Variants in TRIM34 observed in about 807,000 individuals in gnomAD.
TRIM34 encodes the protein E3 ubiquitin-protein ligase TRIM34.
TRIM34 carries 41 observed loss-of-function variants against 38.1 expected under a neutral mutation model. The observed-to-expected ratio is 1.08, with a 90% confidence interval of 0.84 to 1.40. TRIM34 has a LOEUF of 1.40. TRIM34 is among the 40% of genes most tolerant of loss of function. The probability of loss-of-function intolerance (pLI) is 0.00; values close to 1 mark genes in which losing one functional copy is unlikely to be tolerated. For missense variants in TRIM34, 556 were observed against 571.4 expected (o/e 0.97, Z 0.27); for synonymous variants, 200 against 202.5 (o/e 0.99, Z 0.10).
chr11:5,635,386 C>G (rs1289200759), intron 4 of TRIM34, among the ~76,000 whole-genome samples: 1 of 151,784 alleles, frequency 6.6e-6, no homozygotes, highest in Non-Finnish European at 1.5e-5. Context: ...TCCCGAGTAG[C>G]TGGGACTACA....
chr11:5,622,019 T>G, upstream of TRIM34, among the ~76,000 whole-genome samples: 1 of 152,104 alleles, frequency 6.6e-6, no homozygotes, highest in East Asian at 1.9e-4. Flanking sequence ...AAAATAAACT[T>G]TCTATATTAT....
intron 1 of TRIM34, among the ~76,000 whole-genome samples, chr11:5,625,917 G>A (rs1281954211): frequency 1.3e-5 from 2 of 152,178 alleles, no homozygotes; most frequent in East Asian, 1.9e-4. Context: ...TGTTCATTGT[G>A]GGCTCAGAAG....
rs59472811 is a variant in TRIM34 at position 5,643,126 on chromosome 11, T to TATATATA, written c.902-18_902-17insATATATA. ...TTATATTCATATACATATATATATA[T>TATATATA]TTTTTTTTTTCTTGCAGTGGATGTC... On this transcript the variant is annotated splice_polypyrimidine_tract_variant and intron_variant, in intron 7 of 7. Transcript: ENST00000429814. 0.44 allele frequency: 471,167 copies of TATATATA among 1,074,102 alleles called. 89,086 individuals carry two copies. Among genetic ancestry groups the TATATATA allele is most frequent in the Non-Finnish European group, 0.47 (392,427 of 832,898 alleles). 66.5% of individuals were successfully genotyped at this position (1,074,102 alleles called of 1,614,324 possible). A position where few individuals can be genotyped will look rare whatever the true frequency, so the allele number is the denominator to read the frequency against.
upstream of TRIM34, among the ~76,000 whole-genome samples, chr11:5,622,976 G>A (rs1023125363): frequency 4.6e-5 from 7 of 152,224 alleles, no homozygotes; most frequent in Admixed American, 6.5e-5. Context: ...AGCTGAGTCC[G>A]GAAGGGGGTT....
chr11:5,638,845 A>G (rs1235632254), intron 4 of TRIM34, among the ~76,000 whole-genome samples: 1 of 152,230 alleles, frequency 6.6e-6, no homozygotes, highest in African/African-American at 2.4e-5. Flanking sequence ...AAGGGAGTTT[A>G]TTTTTGCAAC....
At chr11:5,622,936 T>C (rs893665678), upstream of TRIM34, among the ~76,000 whole-genome samples, 50 of 152,146 alleles carry the variant, frequency 3.3e-4, no homozygotes, top group African/African-American at 1.2e-3. Flanking sequence ...ATGTGAGACA[T>C]CAATCAATAT....
In TRIM34 at chr11:5,643,706, T is replaced by C. The variant is rs1850125405; in HGVS notation, c.1464T>C (p.Ser488=). Residue 488 remains serine (S), a synonymous_variant, in exon 8 of 8, where the codon TCT becomes TCC. Transcript: ENST00000429814. ...PAPMTLCPPS[S] ...CCATGACTCTATGCCCACCAAGCTC[T>C]TGAATTTTCTCATTTCTTCACCTAC... The C allele has an allele frequency of 1.9e-6, 3 of 1,573,426 alleles. No homozygotes were observed. The highest frequency in any genetic ancestry group is 2.6e-6 in the Non-Finnish European group (3 of 1,164,996).
chr11:5,634,267 A>G (rs2133931743), intron 3 of TRIM34, among the ~76,000 whole-genome samples: 1 of 152,154 alleles, frequency 6.6e-6, no homozygotes, highest in South Asian at 2.1e-4. Context: ...ATATCCAGGA[A>G]AGCTATCTAG....
exon 1 of TRIM34, chr11:5,619,948 C>G (rs1848919048): frequency 6.6e-6 from 1 of 151,270 alleles, no homozygotes; most frequent in East Asian, 2.0e-4. Flanking sequence ...GATCCACCCG[C>G]CTCAGCCTCC....
upstream of TRIM34, among the ~76,000 whole-genome samples, chr11:5,623,091 A>G (rs919588189): frequency 7.2e-6 from 1 of 138,496 alleles, no homozygotes; most frequent in Non-Finnish European, 1.5e-5. Flanking sequence ...GGTGACTTTG[A>G]GTTCTGTCTG....
At chr11:5,625,303 T>A (rs1217542408) in intron 1 of TRIM34, among the ~76,000 whole-genome samples, 1 of 152,202 alleles carries the variant, frequency 6.6e-6, no homozygotes, top group Non-Finnish European at 1.5e-5. Context: ...TGTCTTTTTT[T>A]CCTCCAGGCT....
upstream of TRIM34, among the ~76,000 whole-genome samples, chr11:5,620,533 T>G (rs934718664): frequency 2.6e-5 from 4 of 152,196 alleles, no homozygotes; most frequent in Admixed American, 2.0e-4. Flanking sequence ...GTTGCAGTAA[T>G]GAGTCTCAAG....
At chr11:5,634,530 C>CACATATATATATATATATATATATAT (rs1491498839) in intron 3 of TRIM34, 101 bp from the exon 4 acceptor site, 79 of 203,834 alleles carry the variant, frequency 3.9e-4, no homozygotes, top group African/African-American at 2.6e-3. Context: ...CACACACACA[C>CACATATATATATATATATATATATAT]ATATATATAT....
At position 5,634,864 on chromosome 11, in the gene TRIM34, A is replaced by G; in HGVS notation, c.750+3A>G. On this transcript the variant is annotated splice_donor_region_variant and intron_variant, in intron 4 of 7. Transcript: ENST00000429814. ...GGTCAACAATGGAGCTGCTGCAGGT[A>G]AGAAGGTTCGCTCAATCTGAGATTC... 6.2e-7 allele frequency: 1 copy of G among 1,610,838 alleles called. No homozygotes were observed. The highest frequency in any genetic ancestry group is 8.5e-7 in the Non-Finnish European group (1 of 1,178,140).
Position 5,643,844 on chromosome 11 carries a change from G to A in TRIM34, c.*135G>A, listed in dbSNP as rs994420408. ...TTTACTCATCCTTGAGATGTATGGT[G>A]TATTTGGCTTGAGTTATGAGAGATG... is the stretch of plus-strand genomic sequence containing the variant. On this transcript the variant is annotated 3_prime_UTR_variant, in exon 8 of 8. Transcript: ENST00000429814. 3 of 1,218,654 alleles carry A rather than the reference G, an allele frequency of 2.5e-6. No homozygotes were observed. The highest frequency in any genetic ancestry group is 3.0e-5 in the African/African-American group (2 of 65,690). 75.5% of individuals were successfully genotyped at this position (1,218,654 alleles called of 1,614,324 possible).
At chr11:5,634,905 C>T in intron 4 of TRIM34, 44 bp downstream of exon 4, 2 of 1,586,900 alleles carry the variant, frequency 1.3e-6, no homozygotes, top group South Asian at 1.1e-5. Context: ...ACACAGTTCC[C>T]TCCTGTGTCC....
At chr11:5,631,093 G>A (rs988449650) in intron 1 of TRIM34, among the ~76,000 whole-genome samples, 1 of 152,102 alleles carries the variant, frequency 6.6e-6, no homozygotes, top group Non-Finnish European at 1.5e-5. Flanking sequence ...ATCTGACATT[G>A]GTATGAATCT....
At chr11:5,622,450 A>AAG (rs1554917290), upstream of TRIM34, among the ~76,000 whole-genome samples, 18 of 149,072 alleles carry the variant, frequency 1.2e-4, no homozygotes, top group East Asian at 3.3e-3. Flanking sequence ...CTCTCAAAAA[A>AAG]AAAAAAAAGA....
Position 5,643,204 on chromosome 11 carries a change from G to C in TRIM34, c.962G>C (p.Arg321Thr), listed in dbSNP as rs1564891532. Residue 321 changes from arginine (R) to threonine (T), a missense_variant, in exon 8 of 8, where the codon AGA becomes ACA. Coordinates refer to ENST00000429814, the MANE Select transcript of TRIM34 (RefSeq NM_021616.6). ...AATCTTGTCCTTTCAGAAGATCAGA[G>C]ACAAGTGATATCTGTGCCAATTTGG... ...NLNLVLSEDQRQVISVPIWPF... is the reference protein window; with the variant it reads ...NLNLVLSEDQTQVISVPIWPF... 6.2e-7 allele frequency: 1 copy of C among 1,610,742 alleles called. No homozygotes were observed. The highest frequency in any genetic ancestry group is 1.1e-5 in the South Asian group (1 of 90,262).
Sources: gnomAD v4.1 joint callset for allele counts (sites outside exome capture counted in the v4.1 genomes callset) on GRCh38, gnomAD v4.1.1 for gene constraint, MANE v1.5 for transcripts, NCBI Gene and HGNC (gene_info 2026-07-23, HGNC 2026-07-21) for gene names.